Variants in SS18L1 observed in about 807,000 individuals in gnomAD.
SS18L1 encodes SS18L1 subunit of BAF chromatin remodeling complex, also known as calcium-responsive transactivator.
SS18L1 carries 32 observed loss-of-function variants against 70.3 expected under a neutral mutation model. That is an observed-to-expected ratio of 0.46 (90% CI 0.34 to 0.61). The LOEUF (loss-of-function observed/expected upper bound fraction) is 0.61. SS18L1 is among the 20% of genes least tolerant of loss of function. SS18L1 has a pLI of 0.01. For missense variants in SS18L1, 430 were observed against 542.1 expected, an observed-to-expected ratio of 0.79 and a Z score of 2.05; for synonymous variants, 237 against 229.7, an observed-to-expected ratio of 1.03 and a Z score of -0.29.
At chr20:62,146,972 C>T (rs189506015) in intron 1 of SS18L1, among the ~76,000 whole-genome samples, 1 of 152,148 alleles carries the variant, frequency 6.6e-6, no homozygotes, top group Middle Eastern at 3.2e-3. Context: ...GTTTTAGGGC[C>T]TACCTTAATC....
intron 8 of SS18L1, 120 bp from the exon 9 acceptor site, chr20:62,172,562 A>G: frequency 6.9e-7 from 1 of 1,443,438 alleles, no homozygotes; most frequent in Non-Finnish European, 9.6e-7. Flanking sequence ...AAAAATAAAC[A>G]TGCCGAAGCA....
At chr20:62,151,585 C>CTGGGG (rs1195443628) in intron 1 of SS18L1, among the ~76,000 whole-genome samples, 5 of 152,178 alleles carry the variant, frequency 3.3e-5, no homozygotes, top group Non-Finnish European at 7.3e-5. Context: ...ACGAGCCCAG[C>CTGGGG]CAAGCCCAGC....
At chr20:62,168,030 A>G (rs1031585859) in intron 8 of SS18L1, among the ~76,000 whole-genome samples, 2 of 128,772 alleles carry the variant, frequency 1.6e-5, no homozygotes, top group Non-Finnish European at 3.2e-5. Context: ...AGGTCTTGCC[A>G]TGTTGCCCAG....
rs773136132 is a variant in SS18L1, at chr20:62,158,773, C to G, written c.146+25C>G. The G allele has an allele frequency of 1.2e-6, 2 of 1,612,862 alleles. No individual in the cohort carries two copies. Among genetic ancestry groups the G allele is most frequent in the African/African-American group, 2.7e-5 (2 of 74,942 alleles). ...AGTGAGTGCCCGCCATACACCGGAA[C>G]ACTTGGAGGGTGTCATGCAGAGTCT... On this transcript the variant is annotated intron_variant, in intron 2 of 10. Coordinates refer to ENST00000331758, the MANE Select transcript of SS18L1 (RefSeq NM_198935.3). The surrounding 1 kb of genome is among the most constrained non-coding windows in gnomAD (Gnocchi z 4.5).
Position 62,172,686 on chromosome 20 carries a change from C to T in SS18L1, c.921C>T (p.Asn307=). The T allele has an allele frequency of 6.2e-7, 1 of 1,614,214 alleles. No homozygotes were observed. Among genetic ancestry groups the T allele is most frequent in the East Asian group, 2.2e-5 (1 of 44,884 alleles). ...ESTQHYYEGG[N]SQYSQQQAGY... The stretch of plus-strand genomic sequence containing the variant: ...TGTGTCTCCTCCTCCCTCCAGGAAA[C>T]TCCCAGTACAGCCAGCAGCAGGCCG... The change falls in exon 9 of 11, where the codon AAC becomes AAT. Residue 307 remains asparagine, a synonymous_variant. Coordinates refer to ENST00000331758, the MANE Select transcript of SS18L1 (RefSeq NM_198935.3).
At chr20:62,156,459 G>A (rs1034972305) in intron 1 of SS18L1, among the ~76,000 whole-genome samples, 2 of 152,226 alleles carry the variant, frequency 1.3e-5, no homozygotes, top group Non-Finnish European at 2.9e-5. Context: ...TCAGCTGAGT[G>A]CAGGGCACCT....
chr20:62,174,693 A>C lies in SS18L1; in HGVS notation c.1164+49A>C. The stretch of plus-strand genomic sequence containing the variant: ...ATGTGCCCATCCGCCGCGCCTGTCG[A>C]GACATAATGAAGATTTCTCTTATGG... On this transcript the variant is annotated intron_variant, in intron 10 of 10. Coordinates refer to ENST00000331758, the MANE Select transcript of SS18L1 (RefSeq NM_198935.3). This position sits in a 1 kb window ranked among gnomAD's most constrained non-coding sequence, Gnocchi z 4.1. 6.2e-7 allele frequency: 1 copy of C among 1,612,724 alleles called. No homozygotes were observed. The highest frequency in any genetic ancestry group is 2.2e-5 in the East Asian group (1 of 44,850).
At chr20:62,170,909 T>C (rs1195624940) in intron 8 of SS18L1, among the ~76,000 whole-genome samples, 1 of 151,626 alleles carries the variant, frequency 6.6e-6, no homozygotes, top group East Asian at 1.9e-4. Flanking sequence ...TTTTTTTGTT[T>C]ATGTTTTTTT....
At chr20:62,177,942 G>A (rs1372758819) in intron 10 of SS18L1, among the ~76,000 whole-genome samples, 1 of 151,372 alleles carries the variant, frequency 6.6e-6, no homozygotes, top group Non-Finnish European at 1.5e-5. Context: ...GGGTGGTCTC[G>A]AGCTCCTGAC....
In SS18L1 at chr20:62,164,132, G is replaced by C; in HGVS notation, c.722-13G>C. The C allele has an allele frequency of 6.5e-7, 1 of 1,547,588 alleles. No homozygotes were observed. Among genetic ancestry groups the C allele is most frequent in the Non-Finnish European group, 8.7e-7 (1 of 1,144,902 alleles). ...CGCGGCCCGCACTGGCGCTGAATGT[G>C]GTTCCCCCGCAGGCTCTTCCCAGCA... On this transcript the variant is annotated splice_polypyrimidine_tract_variant and intron_variant, in intron 6 of 10. Coordinates refer to ENST00000331758, the MANE Select transcript of SS18L1 (RefSeq NM_198935.3).
intron 1 of SS18L1, among the ~76,000 whole-genome samples, chr20:62,153,801 G>A (rs372088930): frequency 2.4e-4 from 36 of 152,282 alleles, no homozygotes; most frequent in African/African-American, 7.5e-4. Flanking sequence ...TCTTGGGTTG[G>A]GTCTTGGGTC....
chr20:62,161,336 G>T lies in SS18L1; in HGVS notation c.232-100G>T, dbSNP rs573830763. ...CATTGACCAGGTGGCCATGATGTGT[G>T]GCGGCAAATCTCGGGTGCCCTCTCA... On this transcript the variant is annotated intron_variant, in intron 3 of 10. Transcript: ENST00000331758. This position sits in a 1 kb window ranked among gnomAD's most constrained non-coding sequence, Gnocchi z 4.4. The T allele has an allele frequency of 3.9e-5, 60 of 1,549,780 alleles. No homozygotes were observed. The East Asian group carries it at 1.3e-3, about 34-fold the overall frequency.
chr20:62,157,010 G>A (rs1317255446), intron 1 of SS18L1, among the ~76,000 whole-genome samples: 5 of 152,186 alleles, frequency 3.3e-5, no homozygotes, highest in African/African-American at 4.8e-5. Context: ...GTCACAGGGC[G>A]GGTGTCGCCT....
intron 7 of SS18L1, among the ~76,000 whole-genome samples, chr20:62,164,751 G>A (rs754375194): frequency 1.3e-5 from 2 of 152,166 alleles, no homozygotes; most frequent in Non-Finnish European, 2.9e-5. Context: ...GGTCTTGGCT[G>A]AAAACAGCGG....
intron 1 of SS18L1, among the ~76,000 whole-genome samples, chr20:62,156,794 C>T (rs1028735900): frequency 2.0e-5 from 3 of 152,234 alleles, no homozygotes; most frequent in African/African-American, 7.2e-5. Flanking sequence ...GCTCCTCCTC[C>T]CCTTGCCCTG....
chr20:62,158,708 C>G lies in SS18L1; in HGVS notation c.106C>G (p.Leu36Val). ...DENHHLIQCI[L>V]EYQSKGKTAE... ...GAACCACCACCTGATCCAGTGCATC[C>G]TGGAGTACCAGAGCAAGGGCAAGAC... is the stretch of plus-strand genomic sequence containing the variant. The change falls in exon 2 of 11, where the codon CTG (leucine) becomes GTG (valine). Residue 36 changes from leucine to valine, a missense_variant. Physicochemically the swap from Leu to Val is conservative, Grantham distance 32. Coordinates refer to ENST00000331758, the MANE Select transcript of SS18L1 (RefSeq NM_198935.3). The surrounding 1 kb of genome is among the most constrained non-coding windows in gnomAD (Gnocchi z 4.5). 6.2e-7 allele frequency: 1 copy of G among 1,612,890 alleles called. No individual in the cohort carries two copies. The highest frequency in any genetic ancestry group is 8.5e-7 in the Non-Finnish European group (1 of 1,180,026).
intron 1 of SS18L1, among the ~76,000 whole-genome samples, chr20:62,157,839 C>T (rs1032463610): frequency 2.6e-5 from 4 of 152,096 alleles, no homozygotes; most frequent in African/African-American, 9.7e-5. Flanking sequence ...ATGCCCGGTT[C>T]CGCAGTCTCA....
chr20:62,163,929 A>C (rs1457313871), intron 6 of SS18L1, among the ~76,000 whole-genome samples: 1 of 152,148 alleles, frequency 6.6e-6, no homozygotes, highest in Non-Finnish European at 1.5e-5. Flanking sequence ...AGGTGGGCGG[A>C]TCACCTGAGG....
At position 62,158,226 on chromosome 20, in the gene SS18L1, T is replaced by TG. The variant is rs1294194177; in HGVS notation, c.70-441dup. 1.3e-5 allele frequency among the ~76,000 whole-genome samples: 2 copies of TG among 152,026 alleles called. No homozygotes were observed. The highest frequency in any genetic ancestry group is 2.9e-5 in the Non-Finnish European group (2 of 68,000). ...GAGGGTCCTTCGGGCTGGGGGCTGCTGGGGGCACGGGGCCTCTGTGTTTTC... is the reference window on the plus strand; with the variant it reads ...GAGGGTCCTTCGGGCTGGGGGCTGCTGGGGGGCACGGGGCCTCTGTGTTTTC... On this transcript the variant is annotated intron_variant, in intron 1 of 10. Coordinates refer to ENST00000331758, the MANE Select transcript of SS18L1 (RefSeq NM_198935.3). The surrounding 1 kb of genome is among the most constrained non-coding windows in gnomAD (Gnocchi z 4.5).
Sources: allele counts gnomAD v4.1 joint callset (sites outside exome capture counted in the v4.1 genomes callset), GRCh38; gene constraint gnomAD v4.1.1; non-coding constraint Gnocchi (gnomAD v3.1); transcripts MANE v1.5; gene names NCBI Gene and HGNC (gene_info 2026-07-23, HGNC 2026-07-21).